PRORP: variants seen among roughly 807,000 people sequenced by gnomAD.
PRORP encodes mitochondrial ribonuclease P catalytic subunit.
A neutral mutation model predicts 59.4 loss-of-function variants in PRORP; 51 were observed. The observed-to-expected ratio is 0.86, with a 90% CI of 0.69 to 1.08. The LOEUF (loss-of-function observed/expected upper bound fraction) is 1.08, where lower values mean the gene tolerates loss of function less well. PRORP is among the 50% of genes least tolerant of loss of function. The pLI is 0.00. For missense variants in PRORP, 646 were observed against 690.3 expected (o/e 0.94, Z 0.72); for synonymous variants, 231 against 245.6 (o/e 0.94, Z 0.55).
At chr14:35,263,072 C>T (rs1235832470) in intron 5 of PRORP, 8 of 1,373,690 alleles carry the variant, frequency 5.8e-6, no homozygotes, top group Non-Finnish European at 8.2e-6. Context: ...AACAAGATGC[C>T]GGATGATTCC....
rs2051281950 is a variant in PRORP at position 35,275,439 on chromosome 14, T to A, written c.*1873T>A. The A allele has an allele frequency of 6.6e-6, 1 of 152,168 alleles. No individual in the cohort carries two copies. Among genetic ancestry groups the A allele is most frequent in the Non-Finnish European group, 1.5e-5 (1 of 68,030 alleles). 9.4% of individuals were successfully genotyped at this position (152,168 alleles called of 1,614,324 possible). Reference sequence around the variant, plus strand: ...ACAAAAGAGCTCTCCAGGAAAACATTGGATATATTGAGAGCATTAAAAGAT... The same window carrying A: ...ACAAAAGAGCTCTCCAGGAAAACATAGGATATATTGAGAGCATTAAAAGAT... On this transcript the variant is annotated 3_prime_UTR_variant, in exon 8 of 8. Coordinates refer to ENST00000534898, the MANE Select transcript of PRORP (RefSeq NM_014672.4).
At chr14:35,233,114 G>A (rs2050123901) in intron 5 of PRORP, among the ~76,000 whole-genome samples, 6 of 136,612 alleles carry the variant, frequency 4.4e-5, no homozygotes, top group African/African-American at 2.7e-5. Flanking sequence ...CTTTTCATTC[G>A]TCAACCCATT....
At chr14:35,270,644 G>A in intron 7 of PRORP, 48 bp downstream of exon 7, 1 of 1,496,006 alleles carries the variant, frequency 6.7e-7, no homozygotes, top group Non-Finnish European at 9.3e-7. Flanking sequence ...CAAGTATACA[G>A]TAAGAATGTG....
chr14:35,238,616 G>C (rs2050281381), intron 5 of PRORP, among the ~76,000 whole-genome samples: 2 of 152,144 alleles, frequency 1.3e-5, no homozygotes, highest in South Asian at 4.1e-4. Flanking sequence ...TGTCAACTCT[G>C]TTGTCATTAA....
At chr14:35,205,742 A>G (rs1225706537) in intron 5 of PRORP, among the ~76,000 whole-genome samples, 3 of 152,242 alleles carry the variant, frequency 2.0e-5, no homozygotes, top group Admixed American at 2.0e-4. Flanking sequence ...CACTATCACC[A>G]TGGTGGCTTC....
intron 4 of PRORP, among the ~76,000 whole-genome samples, chr14:35,179,113 G>C (rs948365988): frequency 1.3e-5 from 2 of 152,234 alleles, no homozygotes; most frequent in Admixed American, 1.3e-4. Context: ...GAGATCCGCT[G>C]TTAGTCTGAT....
intron 4 of PRORP, among the ~76,000 whole-genome samples, chr14:35,142,108 AC>A: frequency 6.9e-6 from 1 of 144,236 alleles, no homozygotes; most frequent in African/African-American, 2.4e-5. Context: ...TGAACTCCTG[AC>A]CTCAGCTGAT....
chr14:35,171,260 C>T (rs2048307464), intron 4 of PRORP, among the ~76,000 whole-genome samples: 1 of 152,206 alleles, frequency 6.6e-6, no homozygotes, highest in Admixed American at 6.5e-5. Flanking sequence ...GGATTACAGG[C>T]ATGAGCCATG....
intron 5 of PRORP, among the ~76,000 whole-genome samples, chr14:35,261,987 A>C (rs1437561056): frequency 6.6e-6 from 1 of 152,132 alleles, no homozygotes; most frequent in African/African-American, 2.4e-5. Context: ...AGTTCAAGAT[A>C]GGCTTTTCTG....
chr14:35,246,403 G>A (rs2050486223), intron 5 of PRORP, among the ~76,000 whole-genome samples: 2 of 152,146 alleles, frequency 1.3e-5, no homozygotes, highest in South Asian at 4.1e-4. Context: ...CTGAGTCTAG[G>A]AATCTAATCC....
rs138885588 is a variant in PRORP, at chr14:35,264,745, C to T, written c.1276-1982C>T. ...CCTGTAATCCCAACACTTTGGGAGC[C>T]GAGGCGGTTGGATCACAAGGTCAGG... On this transcript the variant is annotated intron_variant, in intron 5 of 7. Coordinates refer to ENST00000534898, the MANE Select transcript of PRORP (RefSeq NM_014672.4). Among the ~76,000 whole-genome samples the T allele has an allele frequency of 8.6e-3, 1,308 of 152,262 alleles. 28 individuals are homozygous for T. The highest frequency in any genetic ancestry group is 0.029 in the African/African-American group (1,205 of 41,572).
intron 4 of PRORP, among the ~76,000 whole-genome samples, chr14:35,137,103 G>T (rs1297744878): frequency 6.9e-6 from 1 of 145,604 alleles, no homozygotes; most frequent in African/African-American, 2.4e-5. Context: ...ATTCAGCCAG[G>T]TTATAGCAGC....
intron 5 of PRORP, among the ~76,000 whole-genome samples, chr14:35,217,807 T>G (rs970475997): frequency 1.3e-5 from 2 of 152,224 alleles, no homozygotes; most frequent in Non-Finnish European, 2.9e-5. Context: ...TCTGTTTGTC[T>G]GTCTTTATGC....
At chr14:35,245,783 A>G (rs1401396473) in intron 5 of PRORP, among the ~76,000 whole-genome samples, 1 of 152,130 alleles carries the variant, frequency 6.6e-6, no homozygotes, top group Non-Finnish European at 1.5e-5. Flanking sequence ...ATCTCCCTTC[A>G]CCATCCTTTG....
At chr14:35,170,557 C>T (rs1357199802) in intron 4 of PRORP, among the ~76,000 whole-genome samples, 1 of 152,030 alleles carries the variant, frequency 6.6e-6, no homozygotes, top group African/African-American at 2.4e-5. Context: ...CAATAGAATT[C>T]CATTTACCAC....
At chr14:35,253,369 G>A (rs1357301974) in intron 5 of PRORP, among the ~76,000 whole-genome samples, 3 of 137,032 alleles carry the variant, frequency 2.2e-5, no homozygotes, top group Admixed American at 7.4e-5. Flanking sequence ...AAGAAAGAAA[G>A]AAAGAAAAGA....
chr14:35,179,545 G>T (rs1273054533), intron 4 of PRORP, among the ~76,000 whole-genome samples: 1 of 152,130 alleles, frequency 6.6e-6, no homozygotes, highest in Non-Finnish European at 1.5e-5. Context: ...ACTGAAGCTT[G>T]TGCATTCGTC....
chr14:35,233,099 C>T (rs2050123536), intron 5 of PRORP, among the ~76,000 whole-genome samples: 1 of 137,046 alleles, frequency 7.3e-6, no homozygotes, highest in Admixed American at 8.9e-5. Context: ...TCAGTTTCCC[C>T]TTTTCTTTTC....
chr14:35,173,611 A>T lies in PRORP; in HGVS notation c.1168-7059A>T, dbSNP rs118088377. Among the ~76,000 whole-genome samples the T allele has an allele frequency of 6.8e-3, 1,033 of 152,100 alleles. 35 individuals carry two copies. The highest frequency in any genetic ancestry group is 0.044 in the Admixed American group (666 of 15,254). On this transcript the variant is annotated intron_variant, in intron 4 of 7. Transcript: ENST00000534898. ...CTGTCTTCTGTTTCCTCAAACCAGT[A>T]AGTTCTGCAGCTTTCTGCTTGATTT...
Sources: gnomAD v4.1 joint callset for allele counts (sites outside exome capture counted in the v4.1 genomes callset) on GRCh38, gnomAD v4.1.1 for gene constraint, MANE v1.5 for transcripts, NCBI Gene and HGNC (gene_info 2026-07-23, HGNC 2026-07-21) for gene names.